NCAPD3: variants seen among roughly 807,000 people sequenced by gnomAD.
NCAPD3 encodes condensin-2 complex subunit D3.
A neutral mutation model predicts 182.9 loss-of-function variants in NCAPD3; 105 were observed. That is an observed-to-expected ratio of 0.57 (90% CI 0.49 to 0.68). The LOEUF (loss-of-function observed/expected upper bound fraction) is 0.68. Ranked by LOEUF, NCAPD3 falls within the 30% of genes least tolerant of loss-of-function variation. The probability of loss-of-function intolerance (pLI) is 0.00; values close to 1 mark genes in which losing one functional copy is unlikely to be tolerated. For missense variants in NCAPD3, 1,944 were observed against 1,837.0 expected (o/e 1.06, Z -1.07); for synonymous variants, 815 against 679.9 (o/e 1.20, Z -3.09).
intron 13 of NCAPD3, among the ~76,000 whole-genome samples, chr11:134,195,671 C>T (rs1215671171): frequency 6.6e-6 from 1 of 151,826 alleles, no homozygotes; most frequent in Non-Finnish European, 1.5e-5. Context: ...CAACTGAGCC[C>T]AGGAGTTCGA....
intron 29 of NCAPD3, 66 bp from the exon 30 acceptor site, chr11:134,158,561 A>G (rs541908089): frequency 6.7e-7 from 1 of 1,500,808 alleles, no homozygotes; most frequent in East Asian, 2.3e-5. Flanking sequence ...CGGATATATG[A>G]TAGTTGTACA....
intron 2 of NCAPD3, 118 bp from the exon 3 acceptor site, chr11:134,217,216 C>G: frequency 1.2e-6 from 1 of 841,354 alleles, no homozygotes; most frequent in Non-Finnish European, 1.7e-6. Flanking sequence ...TAGCCTGGCT[C>G]CTACTGCTAA....
In NCAPD3 at chr11:134,220,618, T is replaced by G. The variant is rs780394755; in HGVS notation, c.173A>C (p.Tyr58Ser). ...ETGLAAFTKL[Y>S]ESLLPFATGE... The stretch of plus-strand genomic sequence containing the variant: ...AGTAGCAAAGGGTAAAAGGCTTTCA[T>G]AGAGTTTTGTGAATGCAGCCAATCC... Residue 58 changes from tyrosine to serine, a missense_variant, in exon 2 of 35, where the codon TAT becomes TCT. By Grantham distance (144) the Tyr-to-Ser change is moderately radical. Coordinates refer to ENST00000534548, the MANE Select transcript of NCAPD3 (RefSeq NM_015261.3). 5.0e-6 allele frequency: 8 copies of G among 1,614,104 alleles called. No individual in the cohort carries two copies. The highest frequency in any genetic ancestry group is 1.7e-5 in the Admixed American group (1 of 60,036).
chr11:134,159,854 G>C, intron 29 of NCAPD3, 38 bp downstream of exon 29: 1 of 1,584,852 alleles, frequency 6.3e-7, no homozygotes, highest in Non-Finnish European at 8.6e-7. Flanking sequence ...ACAGCAGACT[G>C]GACTGTCTGG....
chr11:134,160,926 T>G (rs751051846), intron 28 of NCAPD3, among the ~76,000 whole-genome samples: 1 of 151,408 alleles, frequency 6.6e-6, no homozygotes, highest in Admixed American at 6.6e-5. Context: ...GTAGTCTATG[T>G]AGGATCAAAG....
At chr11:134,174,972 T>C (rs897970904) in intron 24 of NCAPD3, among the ~76,000 whole-genome samples, 5 of 152,220 alleles carry the variant, frequency 3.3e-5, no homozygotes, top group African/African-American at 9.6e-5. Context: ...TGGTCTACAT[T>C]TGAACCATGG....
At chr11:134,192,109 A>T (rs1944535336) in intron 16 of NCAPD3, among the ~76,000 whole-genome samples, 2 of 152,232 alleles carry the variant, frequency 1.3e-5, no homozygotes, top group South Asian at 4.1e-4. Flanking sequence ...GCTCTTACAA[A>T]TCAGGAAACT....
intron 31 of NCAPD3, 33 bp from the exon 32 acceptor site, chr11:134,157,128 AC>A (rs755975049): frequency 1.3e-6 from 2 of 1,541,458 alleles, no homozygotes; most frequent in African/African-American, 1.4e-5. Flanking sequence ...ATCCAGAAAT[AC>A]CCCCAAACAA....
At chr11:134,163,890 AAAG>A (rs1165927901) in intron 27 of NCAPD3, among the ~76,000 whole-genome samples, 37 of 149,770 alleles carry the variant, frequency 2.5e-4, no homozygotes, top group African/African-American at 7.4e-4. Flanking sequence ...AAAAAAAAAA[AAAG>A]AAAAAGAAAG....
At chr11:134,157,813 G>C in intron 31 of NCAPD3, 115 bp downstream of exon 31, 1 of 1,170,966 alleles carries the variant, frequency 8.5e-7, no homozygotes, top group Non-Finnish European at 1.2e-6. Context: ...CCCAATTAAC[G>C]TTATTTGTTT....
At chr11:134,159,590 G>T (rs747018517) in intron 29 of NCAPD3, among the ~76,000 whole-genome samples, 1 of 152,230 alleles carries the variant, frequency 6.6e-6, no homozygotes, top group Non-Finnish European at 1.5e-5. Flanking sequence ...TAAAGAGGGA[G>T]TGCTGGGGGA....
intron 27 of NCAPD3, among the ~76,000 whole-genome samples, chr11:134,167,618 T>A (rs1303088522): frequency 2.9e-5 from 2 of 69,650 alleles, no homozygotes; most frequent in Non-Finnish European, 5.2e-5. Flanking sequence ...GAGATGAGCT[T>A]GGGGGAGGGG....
At chr11:134,159,206 C>T (rs1943511561) in intron 29 of NCAPD3, among the ~76,000 whole-genome samples, 1 of 152,178 alleles carries the variant, frequency 6.6e-6, no homozygotes, top group Non-Finnish European at 1.5e-5. Context: ...TCATATGGTA[C>T]CTCTACTTTT....
intron 1 of NCAPD3, 133 bp from the exon 2 acceptor site, chr11:134,220,859 A>G (rs1938202629): frequency 5.0e-6 from 4 of 803,984 alleles, no homozygotes; most frequent in African/African-American, 3.4e-5. Flanking sequence ...TTTTAATAAC[A>G]TAGGTGTAGC....
chr11:134,176,505 C>A, intron 23 of NCAPD3, 119 bp from the exon 24 acceptor site: 1 of 767,428 alleles, frequency 1.3e-6, no homozygotes, highest in East Asian at 2.5e-5. Context: ...AGTGCACAGG[C>A]ACACACTTCC....
chr11:134,164,246 C>T (rs1382804657), intron 27 of NCAPD3, among the ~76,000 whole-genome samples: 1 of 152,204 alleles, frequency 6.6e-6, no homozygotes, highest in African/African-American at 2.4e-5. Flanking sequence ...GCCTGACACA[C>T]CAGACTCCAG....
intron 32 of NCAPD3, among the ~76,000 whole-genome samples, chr11:134,154,242 C>T (rs1026746173): frequency 1.3e-5 from 2 of 152,164 alleles, no homozygotes; most frequent in African/African-American, 4.8e-5. Flanking sequence ...GCAGTATCAT[C>T]CCTGCATCAC....
intron 4 of NCAPD3, 59 bp downstream of exon 4, chr11:134,210,211 C>G (rs1284503546): frequency 6.9e-7 from 1 of 1,459,684 alleles, no homozygotes; most frequent in Non-Finnish European, 9.4e-7. Context: ...TAAAGTCAAT[C>G]CTTAAATAAA....
In NCAPD3 at chr11:134,157,085, G is replaced by A; in HGVS notation, c.4185C>T (p.Tyr1395=). The A allele has an allele frequency of 1.9e-6, 3 of 1,612,892 alleles. No individual in the cohort carries two copies. The highest frequency in any genetic ancestry group is 2.5e-6 in the Non-Finnish European group (3 of 1,179,408). The change falls in exon 32 of 35, where the codon TAC becomes TAT. Residue 1395 remains tyrosine (Y), a synonymous_variant. Transcript: ENST00000534548. ...CGCCATTCGACTCTTGCTCCAAACT[G>A]TATGAAGACACTAGAACAGAAAAGG... ...PEKTCSQVSS[Y]SLEQESNGEI...
Sources: allele counts gnomAD v4.1 joint callset (sites outside exome capture counted in the v4.1 genomes callset), GRCh38; gene constraint gnomAD v4.1.1; transcripts MANE v1.5; gene names NCBI Gene and HGNC (gene_info 2026-07-23, HGNC 2026-07-21).